The following CNTRL variants were observed in gnomAD, a reference collection of about 807,000 sequenced individuals.
CNTRL encodes centriolin, also known as 110 kDa centrosomal protein.
Under a neutral mutation model 303.7 loss-of-function variants are expected in CNTRL, and 233 were observed. That is an observed-to-expected ratio of 0.77 (90% CI 0.69 to 0.86). CNTRL has a LOEUF of 0.86. Ranked by LOEUF, CNTRL falls within the 40% of genes least tolerant of loss-of-function variation. The probability of loss-of-function intolerance (pLI) is 0.00; values close to 1 mark genes in which losing one functional copy is unlikely to be tolerated. For synonymous variants in CNTRL, 900 were observed against 922.2 expected (o/e 0.98, Z 0.44); for missense variants, 2,524 against 2,650.6 (o/e 0.95, Z 1.05).
At chr9:121,135,054 T>C (rs2051107335) in intron 14 of CNTRL, among the ~76,000 whole-genome samples, 1 of 152,228 alleles carries the variant, frequency 6.6e-6, no homozygotes, top group Admixed American at 6.5e-5. Flanking sequence ...CGTAGAATCC[T>C]CCTCTTTAAT....
chr9:121,159,682 C>CAA (rs796896457), intron 31 of CNTRL, among the ~76,000 whole-genome samples: 20 of 103,534 alleles, frequency 1.9e-4, no homozygotes, highest in African/African-American at 6.3e-4. Flanking sequence ...GACTCAATTT[C>CAA]AAAAAAAAAA....
In CNTRL at chr9:121,154,713, T is replaced by C; in HGVS notation, c.4173-8T>C. ...CATTTTTTAATGGGTGTATATATTA[T>C]TTTTTAGGGACTTCATTGATGGAAA... On this transcript the variant is annotated splice_polypyrimidine_tract_variant and splice_region_variant and intron_variant, in intron 26 of 43. Coordinates refer to ENST00000373855, the MANE Select transcript of CNTRL (RefSeq NM_007018.6). The C allele has an allele frequency of 6.4e-7, 1 of 1,562,276 alleles. No individual in the cohort carries two copies. The highest frequency in any genetic ancestry group is 1.1e-5 in the South Asian group (1 of 89,086).
At chr9:121,153,041 C>T (rs991816198) in intron 26 of CNTRL, among the ~76,000 whole-genome samples, 1 of 152,174 alleles carries the variant, frequency 6.6e-6, no homozygotes, top group African/African-American at 2.4e-5. Context: ...GGGTTCTCAA[C>T]TCTTTCTTTT....
chr9:121,101,474 C>T (rs1387288137), intron 7 of CNTRL, among the ~76,000 whole-genome samples: 1 of 152,194 alleles, frequency 6.6e-6, no homozygotes, highest in African/African-American at 2.4e-5. Flanking sequence ...GACATCCTAA[C>T]ATCACAATTA....
At chr9:121,158,239 A>G in intron 30 of CNTRL, 130 bp downstream of exon 30, 1 of 1,098,900 alleles carries the variant, frequency 9.1e-7, no homozygotes, top group Non-Finnish European at 1.3e-6. Context: ...AGTCTGAACT[A>G]AATTTGAATC....
intron 42 of CNTRL, 79 bp from the exon 43 acceptor site, chr9:121,174,939 A>C (rs2053458561): frequency 7.7e-7 from 1 of 1,299,754 alleles, no homozygotes; most frequent in Admixed American, 1.7e-5. Flanking sequence ...TTTGCCTATC[A>C]AATGTATGTG....
chr9:121,120,082 C>A (rs1055314121), intron 12 of CNTRL, among the ~76,000 whole-genome samples: 4 of 151,752 alleles, frequency 2.6e-5, no homozygotes, highest in African/African-American at 9.7e-5. Context: ...GGAAAAATAT[C>A]TTCTACATAT....
chr9:121,103,565 A>G (rs1236875997), intron 7 of CNTRL, among the ~76,000 whole-genome samples: 1 of 152,228 alleles, frequency 6.6e-6, no homozygotes, highest in Admixed American at 6.5e-5. Context: ...TAATTAAACT[A>G]AAGAGCTTCT....
chr9:121,151,963 T>G (rs2052291012), intron 25 of CNTRL: 1 of 154,626 alleles, frequency 6.5e-6, no homozygotes, highest in South Asian at 2.0e-4. Flanking sequence ...TTTCTTTCTA[T>G]TCAGCATTTT....
At chr9:121,121,449 A>G (rs894323492) in intron 12 of CNTRL, among the ~76,000 whole-genome samples, 1 of 152,262 alleles carries the variant, frequency 6.6e-6, no homozygotes, top group Non-Finnish European at 1.5e-5. Context: ...GCTCAGAACT[A>G]AGCCTAGGCA....
At position 121,142,267 on chromosome 9, in the gene CNTRL, A is replaced by G. The variant is rs773185141; in HGVS notation, c.2868A>G (p.Lys956=). The change falls in exon 19 of 44, where the codon AAA becomes AAG. Residue 956 remains lysine, a synonymous_variant. Coordinates refer to ENST00000373855, the MANE Select transcript of CNTRL (RefSeq NM_007018.6). The stretch of plus-strand genomic sequence containing the variant: ...TGGCCCAACTCCGAGAGTTAGAGAA[A>G]AAGGTAGGGGAGACTTAGAAAATGA... ...RILAQLRELE[K]KKKLEDAKSQ... 7 of 1,598,632 alleles carry G rather than the reference A, an allele frequency of 4.4e-6. No individual in the cohort carries two copies. In the African/African-American group the frequency reaches 8.2e-5, roughly 19 times the overall value.
At position 121,081,922 on chromosome 9, in the gene CNTRL, G is replaced by A. The variant is rs2048156092; in HGVS notation, c.-32+1444G>A. ...CTTAAAGTCCCAACCCTCTAAACAT[G>A]CCTTAGTCTTTCTGGTGACTGGCCC... is the stretch of plus-strand genomic sequence containing the variant. On this transcript the variant is annotated intron_variant, in intron 2 of 43. Transcript: ENST00000373855. 2.0e-5 allele frequency among the ~76,000 whole-genome samples: 3 copies of A among 152,180 alleles called. No individual in the cohort carries two copies. The South Asian group carries it at 6.2e-4, about 31-fold the overall frequency.
intron 7 of CNTRL, among the ~76,000 whole-genome samples, chr9:121,099,677 T>C (rs182586614): frequency 1.3e-5 from 2 of 152,238 alleles, no homozygotes. Context: ...ATGGCACGAA[T>C]GTCTAACTAG....
intron 10 of CNTRL, 56 bp downstream of exon 10, chr9:121,113,780 T>A: frequency 1.7e-6 from 2 of 1,196,744 alleles, no homozygotes; most frequent in Non-Finnish European, 2.2e-6. Flanking sequence ...ATTGAATATG[T>A]AGGCCAATTT....
chr9:121,136,092 A>T, intron 15 of CNTRL, 110 bp downstream of exon 15: 1 of 998,326 alleles, frequency 1.0e-6, no homozygotes. Flanking sequence ...CATACAATAT[A>T]TATGGAGTGA....
intron 14 of CNTRL, among the ~76,000 whole-genome samples, chr9:121,132,994 A>C (rs2050957077): frequency 6.6e-6 from 1 of 152,240 alleles, no homozygotes. Context: ...ATTGCTGCCT[A>C]ATCCTTCCTC....
intron 4 of CNTRL, among the ~76,000 whole-genome samples, chr9:121,092,316 CTAAA>C (rs927174051): frequency 9.7e-4 from 138 of 142,542 alleles, no homozygotes; most frequent in Middle Eastern, 3.6e-3. Context: ...CTGCCTGGTG[CTAAA>C]TAAATACTTA....
chr9:121,107,705 A>G, intron 7 of CNTRL, 97 bp from the exon 8 acceptor site: 1 of 816,240 alleles, frequency 1.2e-6, no homozygotes, highest in Non-Finnish European at 1.8e-6. Flanking sequence ...TATTTACAAT[A>G]TTTTTAGACT....
At chr9:121,132,277 G>A (rs1051406481) in intron 14 of CNTRL, among the ~76,000 whole-genome samples, 10 of 152,168 alleles carry the variant, frequency 6.6e-5, no homozygotes, top group Admixed American at 5.9e-4. Flanking sequence ...CCATTCAAAC[G>A]TAGATTTGGT....
Sources: allele counts gnomAD v4.1 joint callset (sites outside exome capture counted in the v4.1 genomes callset), GRCh38; gene constraint gnomAD v4.1.1; transcripts MANE v1.5; gene names NCBI Gene and HGNC (gene_info 2026-07-23, HGNC 2026-07-21).